The following CDH23 variants were observed in gnomAD, a reference collection of about 807,000 sequenced individuals.
CDH23 encodes cadherin-23.
In CDH23, 189 loss-of-function variants were observed where a neutral mutation model predicts 317.1. The ratio of observed to expected loss-of-function variants is 0.60; its 90% CI spans 0.53 to 0.67. CDH23 has a LOEUF of 0.67. Ranked by LOEUF, CDH23 falls within the 30% of genes least tolerant of loss-of-function variation. The pLI is 0.00. For synonymous variants in CDH23, 1,839 were observed against 1,876.8 expected (o/e 0.98, Z 0.52); for missense variants, 4,401 against 4,592.4 (o/e 0.96, Z 1.20).
chr10:71,427,246 G>GAAAGA (rs1193969874), intron 1 of CDH23, among the ~76,000 whole-genome samples: 1 of 17,314 alleles, frequency 5.8e-5, no homozygotes, highest in Non-Finnish European at 1.6e-4. Context: ...AGAAAGAAAG[G>GAAAGA]GAAAGAAAGA....
chr10:71,458,206 T>C (rs4747156), intron 3 of CDH23, among the ~76,000 whole-genome samples: 60,532 of 152,166 alleles, frequency 0.4, 13,112 homozygotes, highest in East Asian at 0.6. Context: ...AACAGCTTTG[T>C]CTGGAATAGG....
chr10:71,474,820 C>T (rs916642113), intron 3 of CDH23, among the ~76,000 whole-genome samples: 10 of 152,328 alleles, frequency 6.6e-5, no homozygotes, highest in African/African-American at 7.2e-5. Context: ...TCAAGAGCCC[C>T]GGCTAGCAGG....
rs373366898 is a variant in CDH23, at chr10:71,732,225, C to T, written c.3954C>T (p.Tyr1318=). 18 of 1,613,750 alleles carry T rather than the reference C, an allele frequency of 1.1e-5. No homozygotes were observed. Among genetic ancestry groups the T allele is most frequent in the Admixed American group, 6.7e-5 (4 of 59,976 alleles). ...CCGTGCAGTTCTCCAATGCCTCATA[C>T]GAGGCTGCCATCCTGGAGAATCTGG... ...DEAVQFSNAS[Y]EAAILENLAL... is the part of the protein sequence containing the mutation. The change falls in exon 32 of 70, where the codon TAC becomes TAT. Residue 1318 remains tyrosine, a synonymous_variant. Coordinates refer to ENST00000224721, the MANE Select transcript of CDH23 (RefSeq NM_022124.6).
intron 3 of CDH23, among the ~76,000 whole-genome samples, chr10:71,452,567 T>A (rs1005956779): frequency 1.3e-5 from 2 of 152,158 alleles, no homozygotes; most frequent in Non-Finnish European, 2.9e-5. Context: ...CAGATGTCCC[T>A]TGTGCTTAGA....
chr10:71,730,814 A>G (rs1177190941), intron 31 of CDH23, among the ~76,000 whole-genome samples: 1 of 152,166 alleles, frequency 6.6e-6, no homozygotes, highest in East Asian at 1.9e-4. Flanking sequence ...AGTTGTCCCA[A>G]CCACTGGGTG....
At position 71,574,337 on chromosome 10, in the gene CDH23, G is replaced by A. The variant is rs1858023741; in HGVS notation, c.753+3419G>A. ...AATTTCCTCACTCGAGCAGCAGCAT[G>A]TCGGCCTGCCCGTCAGTGAAGGGCC... On this transcript the variant is annotated intron_variant, in intron 8 of 69. Transcript: ENST00000224721. 3.3e-5 allele frequency among the ~76,000 whole-genome samples: 5 copies of A among 152,200 alleles called. No individual in the cohort carries two copies. The South Asian group carries it at 1.0e-3, about 32-fold the overall frequency.
chr10:71,420,444 T>TAGTGATGATGACGG (rs1564568587), intron 1 of CDH23, among the ~76,000 whole-genome samples: 1 of 38,008 alleles, frequency 2.6e-5, no homozygotes, highest in African/African-American at 1.0e-4. Flanking sequence ...ATGATGGTCA[T>TAGTGATGATGACGG]TATGATGGTG....
At chr10:71,538,845 A>C (rs1855843523) in intron 6 of CDH23, among the ~76,000 whole-genome samples, 1 of 152,196 alleles carries the variant, frequency 6.6e-6, no homozygotes, top group South Asian at 2.1e-4. Context: ...CTTACCGCTC[A>C]GTATAGATGA....
intron 65 of CDH23, 36 bp from the exon 66 acceptor site, chr10:71,811,918 GC>G: frequency 9.7e-7 from 1 of 1,036,152 alleles, no homozygotes. Flanking sequence ...CCCTGGCTAT[GC>G]CCCTCCCCTC....
At chr10:71,645,791 G>GT (rs1164511258) in intron 12 of CDH23, 40 bp from the exon 13 acceptor site, 3 of 1,602,398 alleles carry the variant, frequency 1.9e-6, no homozygotes, top group Non-Finnish European at 2.6e-6. Context: ...TTTGGCCACT[G>GT]TGCCCTTCCT....
chr10:71,448,347 G>A (rs1564586592), intron 3 of CDH23, among the ~76,000 whole-genome samples: 1 of 152,228 alleles, frequency 6.6e-6, no homozygotes, highest in East Asian at 1.9e-4. Flanking sequence ...ATCGGCCTCC[G>A]GAAGCAGCTC....
chr10:71,784,759 TTC>T lies in CDH23; in HGVS notation c.5503-128_5503-127del, dbSNP rs1309777841. ...TTTTCTTCTTTCTTCCTCTCCCCTT[TTC>T]TCTTTCTTCTCCATGACCAACTGCA... is the stretch of plus-strand genomic sequence containing the variant. On this transcript the variant is annotated intron_variant, in intron 42 of 69. Transcript: ENST00000224721. 5.7e-6 allele frequency: 4 copies of T among 701,474 alleles called. No individual in the cohort carries two copies. The African/African-American group carries it at 7.1e-5, about 12-fold the overall frequency. The allele number at this position is 701,474 out of a possible 1,614,324, so 43.5% of individuals were successfully genotyped here.
chr10:71,659,630 A>G (rs541673854), intron 14 of CDH23, among the ~76,000 whole-genome samples: 1 of 152,356 alleles, frequency 6.6e-6, no homozygotes, highest in East Asian at 1.9e-4. Context: ...TCTCCAGCAA[A>G]GCAGTACTTC....
chr10:71,407,884 G>T (rs111943974), intron 1 of CDH23, among the ~76,000 whole-genome samples: 5 of 152,308 alleles, frequency 3.3e-5, no homozygotes, highest in African/African-American at 9.6e-5. Flanking sequence ...TTTCTCATCT[G>T]TAAAATAGGG....
chr10:71,754,119 C>G (rs1307612950), intron 38 of CDH23, among the ~76,000 whole-genome samples: 4 of 152,200 alleles, frequency 2.6e-5, no homozygotes, highest in Non-Finnish European at 4.4e-5. Context: ...CAGCCTTCCA[C>G]CAGGGAGGGC....
intron 60 of CDH23, 139 bp from the exon 61 acceptor site, chr10:71,809,681 C>T: frequency 8.1e-7 from 1 of 1,231,350 alleles, no homozygotes; most frequent in Non-Finnish European, 1.1e-6. Flanking sequence ...TTGCCTGTCA[C>T]CTTTGCTCCC....
rs755774730 is a variant in CDH23 at position 71,784,376 on chromosome 10, A to G, written c.5458A>G (p.Thr1820Ala). Residue 1820 changes from threonine (T) to alanine (A), a missense_variant, in exon 42 of 70, where the codon ACC becomes GCC. By Grantham distance (58) the Thr-to-Ala change is moderately conservative (BLOSUM62 0). Around this residue, in one of 3 missense-constraint regions of CDH23, gnomAD observed 3,068 missense variants for 3,203.3 expected, o/e 0.96. Coordinates refer to ENST00000224721, the MANE Select transcript of CDH23 (RefSeq NM_022124.6). ...DRETIAFYNL[T>A]ICARDRGMPP... ...GGAGACCATCGCCTTCTACAACCTG[A>G]CCATCTGTGCCCGTGACCGGGGGAT... The G allele has an allele frequency of 1.7e-5, 28 of 1,613,694 alleles. No homozygotes were observed. Among genetic ancestry groups the G allele is most frequent in the Non-Finnish European group, 8.5e-6 (10 of 1,179,802 alleles).
At chr10:71,667,613 G>T (rs959078124) in intron 14 of CDH23, among the ~76,000 whole-genome samples, 5 of 152,074 alleles carry the variant, frequency 3.3e-5, no homozygotes, top group African/African-American at 1.2e-4. Flanking sequence ...GGAGACACAG[G>T]AAGAGAGATG....
chr10:71,679,034 G>C (rs1195024535), intron 16 of CDH23, among the ~76,000 whole-genome samples: 1 of 152,128 alleles, frequency 6.6e-6, no homozygotes, highest in Non-Finnish European at 1.5e-5. Flanking sequence ...ATCTGCAGGT[G>C]GGGGTGTTCC....
Sources: gnomAD v4.1 joint callset for allele counts (sites outside exome capture counted in the v4.1 genomes callset) on GRCh38, gnomAD v4.1.1 for gene constraint, gnomAD v4.1.1 regional missense constraint, MANE v1.5 for transcripts, NCBI Gene and HGNC (gene_info 2026-07-23, HGNC 2026-07-21) for gene names.